Variants in FMN2 observed in about 807,000 individuals in gnomAD.
The protein encoded by FMN2 is formin-2.
Under a neutral mutation model 142.3 loss-of-function variants are expected in FMN2, and 51 were observed. That is an observed-to-expected ratio of 0.36 (90% CI 0.29 to 0.45). FMN2 has a LOEUF of 0.45. Ranked by LOEUF, FMN2 falls within the 20% of genes least tolerant of loss-of-function variation. FMN2 has a pLI of 1.00. For synonymous variants in FMN2, 882 were observed against 869.8 expected, an observed-to-expected ratio of 1.01 and a Z score of -0.25; for missense variants, 1,936 against 2,122.8, an observed-to-expected ratio of 0.91 and a Z score of 1.73.
intron 7 of FMN2, among the ~76,000 whole-genome samples, chr1:240,290,386 G>A (rs1669739686): frequency 6.6e-6 from 1 of 152,140 alleles, no homozygotes; most frequent in Admixed American, 6.5e-5. Context: ...AATAGCTATT[G>A]TGAAATTAAC....
At chr1:240,190,577 A>G (rs1261173753) in intron 4 of FMN2, among the ~76,000 whole-genome samples, 3 of 152,214 alleles carry the variant, frequency 2.0e-5, no homozygotes, top group African/African-American at 7.2e-5. Context: ...ACTGCTAAAG[A>G]AAATGATTAT....
intron 15 of FMN2, among the ~76,000 whole-genome samples, chr1:240,396,716 C>T (rs555065347): frequency 2.0e-4 from 31 of 152,222 alleles, no homozygotes; most frequent in African/African-American, 7.5e-4. Flanking sequence ...TTTGGTTTTC[C>T]GTTCTTGCGT....
Position 240,348,424 on chromosome 1 carries a change from T to C in FMN2, c.4766-7392T>C, listed in dbSNP as rs113072910. ...TTTTAGTAGATACAGGGTTTCGCCA[T>C]GTTGACCAGGTTGGTCTCGAACTCC... On this transcript the variant is annotated intron_variant, in intron 13 of 17. Transcript: ENST00000319653. Among the ~76,000 whole-genome samples the C allele has an allele frequency of 7.1e-3, 1,079 of 152,114 alleles. 2 individuals carry two copies. The highest frequency in any genetic ancestry group is 0.024 in the South Asian group (114 of 4,816).
intron 3 of FMN2, among the ~76,000 whole-genome samples, chr1:240,180,566 C>CT (rs58433196): frequency 0.021 from 2,698 of 126,086 alleles, 50 homozygotes; most frequent in Non-Finnish European, 0.032. Flanking sequence ...CACATGACCC[C>CT]TTTTTTTTTT....
At chr1:240,174,555 G>A (rs562218443) in intron 2 of FMN2, among the ~76,000 whole-genome samples, 26 of 152,144 alleles carry the variant, frequency 1.7e-4, no homozygotes, top group African/African-American at 5.5e-4. Context: ...CTGTAGAGGT[G>A]GGGTCTCACT....
chr1:240,371,373 T>C (rs1672859718), intron 14 of FMN2, among the ~76,000 whole-genome samples: 1 of 152,202 alleles, frequency 6.6e-6, no homozygotes, highest in South Asian at 2.1e-4. Flanking sequence ...TTCTGGGTAC[T>C]TGGATATGCT....
chr1:240,321,396 T>C (rs1284827048), intron 8 of FMN2, among the ~76,000 whole-genome samples: 1 of 152,222 alleles, frequency 6.6e-6, no homozygotes, highest in Non-Finnish European at 1.5e-5. Context: ...AATACTTTTT[T>C]CTGATAGGAT....
At chr1:240,366,131 C>G (rs1672662616) in intron 14 of FMN2, among the ~76,000 whole-genome samples, 1 of 152,094 alleles carries the variant, frequency 6.6e-6, no homozygotes, top group Admixed American at 6.6e-5. Flanking sequence ...ATATGCATAT[C>G]TTATAACCTA....
intron 8 of FMN2, among the ~76,000 whole-genome samples, chr1:240,297,391 C>T (rs943722560): frequency 9.2e-5 from 14 of 151,750 alleles, no homozygotes; most frequent in African/African-American, 2.9e-4. Flanking sequence ...GTCGGGAGTT[C>T]GAGAACAGCC....
At chr1:240,145,530 A>ATTTTTTTTTTTTTTTT (rs71168902) in intron 2 of FMN2, 5 of 84,368 alleles carry the variant, frequency 5.9e-5, no homozygotes, top group Admixed American at 2.0e-4. Flanking sequence ...TTCTTTTTCT[A>ATTTTTTTTTTTTTTTT]TTTTTTTTTT....
intron 14 of FMN2, among the ~76,000 whole-genome samples, chr1:240,369,061 T>C (rs1672777711): frequency 6.6e-6 from 1 of 152,108 alleles, no homozygotes; most frequent in Admixed American, 6.5e-5. Context: ...GCACCCTGTG[T>C]ACTGCTGAAT....
chr1:240,123,066 G>A, intron 1 of FMN2, 113 bp from the exon 2 acceptor site: 1 of 1,175,698 alleles, frequency 8.5e-7, no homozygotes, highest in Non-Finnish European at 1.2e-6. Context: ...GCTGTCAGTA[G>A]CCTTGGAAAC....
chr1:240,295,704 T>C (rs546514765), intron 8 of FMN2, among the ~76,000 whole-genome samples: 90 of 152,360 alleles, frequency 5.9e-4, no homozygotes, highest in African/African-American at 2.0e-3. Context: ...TTGTCTCTTA[T>C]GAGTAGTGCT....
At chr1:240,411,325 C>T (rs1461719424) in intron 15 of FMN2, among the ~76,000 whole-genome samples, 6 of 152,152 alleles carry the variant, frequency 3.9e-5, no homozygotes, top group Admixed American at 3.9e-4. Flanking sequence ...ATAATCCCAG[C>T]ACTTTGGGAG....
Position 240,438,202 on chromosome 1 carries a change from A to G in FMN2, c.5052A>G (p.Leu1684=). The G allele has an allele frequency of 6.2e-7, 1 of 1,613,062 alleles. No individual in the cohort carries two copies. ...DFWKKENKLL[L]QERVKEAEEV... ...GGAAGAAAGAGAACAAACTTCTTCTACAAGAGAGGTAGGTATTTTCATTTG... is the reference window on the plus strand; with the variant it reads ...GGAAGAAAGAGAACAAACTTCTTCTGCAAGAGAGGTAGGTATTTTCATTTG... Residue 1684 remains leucine, a synonymous_variant, in exon 16 of 18, where the codon CTA becomes CTG. Coordinates refer to ENST00000319653, the MANE Select transcript of FMN2 (RefSeq NM_020066.5).
At chr1:240,365,973 A>G (rs1294378658) in intron 14 of FMN2, among the ~76,000 whole-genome samples, 1 of 152,136 alleles carries the variant, frequency 6.6e-6, no homozygotes, top group East Asian at 1.9e-4. Flanking sequence ...TCCCATAAAG[A>G]TGTGGAAAAT....
intron 6 of FMN2, among the ~76,000 whole-genome samples, chr1:240,221,759 T>G (rs902828375): frequency 6.6e-6 from 1 of 152,136 alleles, no homozygotes; most frequent in African/African-American, 2.4e-5. Flanking sequence ...CAATTTTGGC[T>G]TTTGTTGCCA....
intron 7 of FMN2, among the ~76,000 whole-genome samples, chr1:240,291,375 G>T (rs572471662): frequency 1.3e-5 from 2 of 152,050 alleles, no homozygotes; most frequent in South Asian, 4.2e-4. Flanking sequence ...TGCAGGGGGT[G>T]GGTGGGGGTG....
At chr1:240,264,584 A>G (rs910608138) in intron 7 of FMN2, among the ~76,000 whole-genome samples, 4 of 151,992 alleles carry the variant, frequency 2.6e-5, no homozygotes, top group African/African-American at 9.7e-5. Context: ...CCTTGTATCC[A>G]TATGTTCTCA....
Sources: gnomAD v4.1 joint callset for allele counts (sites outside exome capture counted in the v4.1 genomes callset) on GRCh38, gnomAD v4.1.1 for gene constraint, MANE v1.5 for transcripts, NCBI Gene and HGNC (gene_info 2026-07-23, HGNC 2026-07-21) for gene names.